Variants in ZNF536 observed in about 807,000 individuals in gnomAD.
The protein encoded by ZNF536 is zinc finger protein 536.
A neutral mutation model predicts 84.5 loss-of-function variants in ZNF536; 13 were observed. That is an observed-to-expected ratio of 0.15 (90% CI 0.10 to 0.24). The LOEUF is 0.24. ZNF536 is among the 10% of genes least tolerant of loss of function. The pLI is 1.00. For missense variants in ZNF536, 1,536 were observed against 1,747.5 expected (o/e 0.88, Z 2.16); for synonymous variants, 811 against 742.5 (o/e 1.09, Z -1.50).
At chr19:30,501,253 C>A (rs2054939027) in intron 2 of ZNF536, among the ~76,000 whole-genome samples, 1 of 152,178 alleles carries the variant, frequency 6.6e-6, no homozygotes, top group Admixed American at 6.5e-5. Flanking sequence ...GAGAACATCC[C>A]TCAGTTTCAA....
At chr19:30,654,201 C>T (rs765890039) in intron 1 of ZNF536, among the ~76,000 whole-genome samples, 7 of 152,182 alleles carry the variant, frequency 4.6e-5, no homozygotes, top group African/African-American at 1.7e-4. Flanking sequence ...GCCCAGGCTG[C>T]GTGGGGCCCA....
intron 1 of ZNF536, among the ~76,000 whole-genome samples, chr19:30,624,695 AG>A (rs1267723843): frequency 6.6e-6 from 1 of 152,194 alleles, no homozygotes; most frequent in Non-Finnish European, 1.5e-5. Context: ...CTCAGCCATC[AG>A]GGTGTGTCCT....
intron 1 of ZNF536, among the ~76,000 whole-genome samples, chr19:30,252,605 G>A (rs1171882962): frequency 6.6e-6 from 1 of 152,150 alleles, no homozygotes; most frequent in Non-Finnish European, 1.5e-5. Flanking sequence ...TTGAGTGAGT[G>A]GATATGACCA....
intron 1 of ZNF536, among the ~76,000 whole-genome samples, chr19:30,686,317 T>C (rs188730173): frequency 1.3e-5 from 2 of 152,020 alleles, no homozygotes; most frequent in African/African-American, 2.4e-5. Context: ...GTTTTTTTCC[T>C]GAAGGTGGCA....
chr19:30,346,646 C>G (rs147446681), intron 2 of ZNF536, among the ~76,000 whole-genome samples: 83 of 152,322 alleles, frequency 5.4e-4, no homozygotes, highest in African/African-American at 1.9e-3. Context: ...GCTTCCAGCT[C>G]CATCCTTATT....
intron 1 of ZNF536, among the ~76,000 whole-genome samples, chr19:30,694,759 T>A (rs1020271083): frequency 6.6e-6 from 1 of 152,164 alleles, no homozygotes; most frequent in African/African-American, 2.4e-5. Flanking sequence ...TGCATTTATG[T>A]CTACAGCAGT....
At chr19:30,517,665 C>T (rs1297018453) in intron 2 of ZNF536, among the ~76,000 whole-genome samples, 2 of 152,102 alleles carry the variant, frequency 1.3e-5, no homozygotes, top group Admixed American at 6.5e-5. Flanking sequence ...TGCATACGCC[C>T]CAGCTACTTG....
chr19:30,692,859 C>A (rs888641668), intron 1 of ZNF536, among the ~76,000 whole-genome samples: 1 of 152,190 alleles, frequency 6.6e-6, no homozygotes, highest in Non-Finnish European at 1.5e-5. Context: ...CCTATAAGGG[C>A]TTTTCTTTTG....
At chr19:30,671,027 C>A (rs2050531528) in intron 1 of ZNF536, among the ~76,000 whole-genome samples, 1 of 152,174 alleles carries the variant, frequency 6.6e-6, no homozygotes, top group Non-Finnish European at 1.5e-5. Flanking sequence ...CTTTCTCATT[C>A]AATCATTCTT....
intron 2 of ZNF536, among the ~76,000 whole-genome samples, chr19:30,466,409 C>T (rs190292875): frequency 1.5e-3 from 224 of 149,052 alleles, no homozygotes; most frequent in Non-Finnish European, 2.6e-3. Context: ...CAAACCAAAA[C>T]AAAAATCAGC....
intron 1 of ZNF536, among the ~76,000 whole-genome samples, chr19:30,593,929 A>T (rs144493309): frequency 9.5e-4 from 144 of 152,306 alleles, no homozygotes; most frequent in African/African-American, 3.4e-3. Context: ...AAGAGGAAAA[A>T]AGAGTCTAGA....
intron 2 of ZNF536, among the ~76,000 whole-genome samples, chr19:30,475,336 G>T (rs1021332564): frequency 7.9e-5 from 12 of 152,122 alleles, no homozygotes; most frequent in Non-Finnish European, 1.5e-4. Flanking sequence ...GGTCATGGTG[G>T]CTCACGTCTA....
At chr19:30,276,274 C>T (rs1203896583) in intron 1 of ZNF536, among the ~76,000 whole-genome samples, 1 of 152,122 alleles carries the variant, frequency 6.6e-6, no homozygotes, top group African/African-American at 2.4e-5. Flanking sequence ...CTATTTTTAT[C>T]TTTTGCCAGC....
intron 2 of ZNF536, among the ~76,000 whole-genome samples, chr19:30,301,798 T>C (rs933659728): frequency 2.6e-5 from 4 of 151,806 alleles, no homozygotes; most frequent in Non-Finnish European, 5.9e-5. Flanking sequence ...TTGAAATTTG[T>C]ATTGCTGGAG....
chr19:30,398,987 G>A lies in ZNF536; in HGVS notation c.-3+26431G>A, dbSNP rs141120414. On this transcript the variant is annotated intron_variant, in intron 1 of 4. Transcript: ENST00000355537. Reference sequence around the variant, plus strand: ...TCTAGTTCTAGATCCTTGAGGAATCGCCACACTGTCTTCCACAATGATTGA... The same window carrying A: ...TCTAGTTCTAGATCCTTGAGGAATCACCACACTGTCTTCCACAATGATTGA... Among the ~76,000 whole-genome samples the A allele has an allele frequency of 6.1e-3, 925 of 152,260 alleles. 11 individuals are homozygous for A. Among genetic ancestry groups the A allele is most frequent in the African/African-American group, 0.019 (799 of 41,538 alleles).
intron 2 of ZNF536, among the ~76,000 whole-genome samples, chr19:30,301,309 G>A (rs56319522): frequency 0.23 from 35,293 of 152,112 alleles, 5,024 homozygotes; most frequent in East Asian, 0.54. Context: ...AGGAAGCTGA[G>A]GTGCGTGCAC....
intron 2 of ZNF536, among the ~76,000 whole-genome samples, chr19:30,483,429 C>T (rs750022366): frequency 7.9e-5 from 12 of 152,220 alleles, no homozygotes; most frequent in African/African-American, 1.7e-4. Context: ...CCGAGTCTTC[C>T]GAATGGGTGT....
At chr19:30,512,951 T>C (rs1034478422) in intron 2 of ZNF536, among the ~76,000 whole-genome samples, 6 of 152,234 alleles carry the variant, frequency 3.9e-5, no homozygotes, top group African/African-American at 1.4e-4. Context: ...TGGTGTTATG[T>C]TGCTCTGGAG....
intron 1 of ZNF536, among the ~76,000 whole-genome samples, chr19:30,612,261 G>A (rs2048128989): frequency 6.6e-6 from 1 of 152,176 alleles, no homozygotes; most frequent in Non-Finnish European, 1.5e-5. Context: ...ATGGTGGTAG[G>A]ATCTCCCCTG....
Sources: allele counts gnomAD v4.1 joint callset (sites outside exome capture counted in the v4.1 genomes callset), GRCh38; gene constraint gnomAD v4.1.1; transcripts MANE v1.5; gene names NCBI Gene and HGNC (gene_info 2026-07-23, HGNC 2026-07-21).